Variants in CMYA5 observed in about 807,000 individuals in gnomAD.
CMYA5 encodes cardiomyopathy associated 5.
Under a neutral mutation model 318.9 loss-of-function variants are expected in CMYA5, and 246 were observed. That is an observed-to-expected ratio of 0.77 (90% CI 0.70 to 0.86). CMYA5 has a LOEUF of 0.86. CMYA5 is among the 40% of genes least tolerant of loss of function. The pLI, the probability that CMYA5 is intolerant of heterozygous loss-of-function variation, is 0.00. For missense variants in CMYA5, 4,589 were observed against 4,678.2 expected, an observed-to-expected ratio of 0.98 and a Z score of 0.56; for synonymous variants, 1,641 against 1,729.5, an observed-to-expected ratio of 0.95 and a Z score of 1.27.
chr5:79,710,704 T>A (rs1364221168), intron 1 of CMYA5, among the ~76,000 whole-genome samples: 1 of 152,164 alleles, frequency 6.6e-6, no homozygotes, highest in East Asian at 1.9e-4. Flanking sequence ...TTAGAAAAAT[T>A]TTTTATTTTT....
chr5:79,731,557 C>G lies in CMYA5; in HGVS notation c.2792C>G (p.Pro931Arg). 6.2e-7 allele frequency: 1 copy of G among 1,609,232 alleles called. No homozygotes were observed. ...CTAAATCTAAAAGGTGCATCCTCAC[C>G]CATGAATTTATCAGAAGAAGATCAA... ...RSLNLKGASS[P>R]MNLSEEDQED... The change falls in exon 2 of 13, where the codon CCC becomes CGC. Residue 931 changes from proline (P) to arginine (R), a missense_variant. Pro to Arg is a moderately radical substitution (Grantham distance 103). Around this residue, in one of 3 missense-constraint regions of CMYA5, gnomAD observed 2,132 missense variants for 2,131.3 expected, o/e 1.00. Transcript: ENST00000446378.
Position 79,731,476 on chromosome 5 carries a change from C to G in CMYA5, c.2711C>G (p.Ser904Ter). 1 of 1,607,676 alleles carries G rather than the reference C, an allele frequency of 6.2e-7. No homozygotes were observed. Among genetic ancestry groups the G allele is most frequent in the Non-Finnish European group, 8.5e-7 (1 of 1,176,462 alleles). ...TCTTCTACATCTGCTTCTGAATTTT[C>G]AGTACCACCATATGCAACACCGGAG... ...TPSSTSASEF[S>*]VPPYATPEAQ... Residue 904 changes from serine to a stop codon, truncating the protein, a stop_gained, in exon 2 of 13, where the codon TCA becomes TGA. Coordinates refer to ENST00000446378, the MANE Select transcript of CMYA5 (RefSeq NM_153610.5). LOFTEE classifies it high-confidence loss of function.
intron 1 of CMYA5, among the ~76,000 whole-genome samples, chr5:79,723,481 G>T (rs1027437561): frequency 6.6e-6 from 1 of 150,832 alleles, no homozygotes; most frequent in Non-Finnish European, 1.5e-5. Context: ...GAGATTACAG[G>T]CTGGCCATGG....
intron 2 of CMYA5, 116 bp downstream of exon 2, chr5:79,739,519 T>A: frequency 1.2e-6 from 1 of 868,352 alleles, no homozygotes; most frequent in Non-Finnish European, 1.6e-6. Context: ...TTAAGCAGAA[T>A]GGTCTGAAAG....
At position 79,742,057 on chromosome 5, in the gene CMYA5, T is replaced by C. The variant is rs1203600905; in HGVS notation, c.10639-1770T>C. On this transcript the variant is annotated intron_variant, in intron 2 of 12. Coordinates refer to ENST00000446378, the MANE Select transcript of CMYA5 (RefSeq NM_153610.5). ...CTCCTCCCTCTTTCTCCTCTTCTTC[T>C]TCTTCTTCTTCTTCTTCTTCTTCTT... is the stretch of plus-strand genomic sequence containing the variant. Among the ~76,000 whole-genome samples, 20 of 26,784 alleles carry C rather than the reference T, an allele frequency of 7.5e-4. No homozygotes were observed. The African/African-American group carries it at 0.01, about 13-fold the overall frequency. The allele number at this position is 26,784 out of a possible 152,430, so 17.6% of individuals were successfully genotyped here.
intron 9 of CMYA5, among the ~76,000 whole-genome samples, chr5:79,775,329 C>T (rs1194824982): frequency 6.6e-6 from 1 of 152,328 alleles, no homozygotes; most frequent in East Asian, 1.9e-4. Context: ...TCAGTTCCTT[C>T]ACTTCTAACT....
intron 7 of CMYA5, among the ~76,000 whole-genome samples, chr5:79,760,422 AC>A (rs1413052212): frequency 2.0e-5 from 3 of 152,294 alleles, no homozygotes; most frequent in East Asian, 1.9e-4. Flanking sequence ...ATAAAGACAT[AC>A]CTGAGACTGG....
chr5:79,712,508 C>T (rs535099804), intron 1 of CMYA5, among the ~76,000 whole-genome samples: 61 of 152,072 alleles, frequency 4.0e-4, no homozygotes, highest in Middle Eastern at 3.4e-3. Flanking sequence ...CCACCACACC[C>T]GGCCTATTTT....
intron 2 of CMYA5, among the ~76,000 whole-genome samples, chr5:79,739,998 TAAAA>T (rs1381821222): frequency 6.6e-6 from 1 of 150,710 alleles, no homozygotes; most frequent in East Asian, 1.9e-4. Context: ...TAAAATAAAA[TAAAA>T]AATAAATAAA....
chr5:79,704,721 G>T (rs1346941812), intron 1 of CMYA5, among the ~76,000 whole-genome samples: 1 of 152,086 alleles, frequency 6.6e-6, no homozygotes, highest in Admixed American at 6.5e-5. Context: ...GAGGGAGAGA[G>T]AGAGAAAATA....
At chr5:79,745,572 T>A (rs1319920858) in intron 4 of CMYA5, 117 bp downstream of exon 4, 6 of 732,864 alleles carry the variant, frequency 8.2e-6, no homozygotes, top group Non-Finnish European at 1.4e-5. Context: ...GGGATTTATA[T>A]AATTCTGGCA....
chr5:79,799,468 T>C lies in CMYA5; in HGVS notation c.12062T>C (p.Ile4021Thr), dbSNP rs748250697. Residue 4021 changes from isoleucine to threonine, a missense_variant, in exon 13 of 13, where the codon ATC becomes ACC. By Grantham distance (89) the Ile-to-Thr change is moderately conservative. Coordinates refer to ENST00000446378, the MANE Select transcript of CMYA5 (RefSeq NM_153610.5). ...CTGGACTACAACAACCAGAGACTTA[T>C]CTTCATCAACGCAGAGAGCGAGCAG... ...ILLDYNNQRL[I>T]FINAESEQLL... is the part of the protein sequence containing the mutation. 7.4e-6 allele frequency: 12 copies of C among 1,613,900 alleles called. No individual in the cohort carries two copies. The highest frequency in any genetic ancestry group is 1.1e-5 in the South Asian group (1 of 91,088).
At chr5:79,787,224 C>G (rs6884750) in intron 9 of CMYA5, among the ~76,000 whole-genome samples, 27,017 of 152,024 alleles carry the variant, frequency 0.18, 2,864 homozygotes, top group Admixed American at 0.31. Flanking sequence ...TTCCCACCCC[C>G]GCCTCCTCAA....
chr5:79,752,832 T>A lies in CMYA5; in HGVS notation c.11110+38T>A, dbSNP rs761352551. 3.5e-6 allele frequency: 5 copies of A among 1,438,166 alleles called. No homozygotes were observed. The East Asian group carries it at 9.1e-5, about 26-fold the overall frequency. 89.1% of individuals were successfully genotyped at this position (1,438,166 alleles called of 1,614,324 possible). ...ATATATTAATTACCTAGATGAAATATGGCAGTTTTTGCTTGTTTGTTTTGT... is the reference window on the plus strand; with the variant it reads ...ATATATTAATTACCTAGATGAAATAAGGCAGTTTTTGCTTGTTTGTTTTGT... On this transcript the variant is annotated intron_variant, in intron 6 of 12. Transcript: ENST00000446378.
chr5:79,706,574 C>G (rs1047002835), intron 1 of CMYA5, among the ~76,000 whole-genome samples: 8 of 152,098 alleles, frequency 5.3e-5, no homozygotes, highest in African/African-American at 1.9e-4. Flanking sequence ...CTATCTTATC[C>G]ATATGAACAG....
Position 79,729,799 on chromosome 5 carries a change from A to T in CMYA5, c.1034A>T (p.Tyr345Phe). 1 of 1,613,846 alleles carries T rather than the reference A, an allele frequency of 6.2e-7. No individual in the cohort carries two copies. Among genetic ancestry groups the T allele is most frequent in the Non-Finnish European group, 8.5e-7 (1 of 1,179,842 alleles). The change falls in exon 2 of 13, where the codon TAT (tyrosine) becomes TTT (phenylalanine). Residue 345 changes from tyrosine to phenylalanine, a missense_variant. This residue lies in a region of CMYA5 where 2,132 missense variants were observed against 2,131.3 expected (regional missense o/e 1.00). Transcript: ENST00000446378. ...TSALEHTVPSYSSSGRAEQGI... is the reference protein window; with the variant it reads ...TSALEHTVPSFSSSGRAEQGI... ...GCATTGGAGCACACAGTTCCCTCTT[A>T]TTCAAGTAGTGGCAGAGCAGAACAA...
intron 1 of CMYA5, among the ~76,000 whole-genome samples, chr5:79,726,354 GTGACA>G (rs1827748665): frequency 6.6e-6 from 1 of 152,072 alleles, no homozygotes; most frequent in Admixed American, 6.5e-5. Context: ...CTATTTCTAA[GTGACA>G]TGGAAGAGAG....
intron 1 of CMYA5, among the ~76,000 whole-genome samples, chr5:79,726,198 T>C (rs565065601): frequency 6.6e-6 from 1 of 152,352 alleles, no homozygotes; most frequent in East Asian, 1.9e-4. Context: ...TAATGAAAAC[T>C]TCTCTGGTTG....
rs200398053 is a variant in CMYA5 at position 79,730,153 on chromosome 5, T to C, written c.1388T>C (p.Ile463Thr). ...CAAGAACAGCCGGACCTGACTTCAA[T>C]AGAAAGGGCAGAACCAGTCTCCGCA... ...PDQEQPDLTS[I>T]ERAEPVSAKL... Residue 463 changes from isoleucine to threonine, a missense_variant, in exon 2 of 13, where the codon ATA (isoleucine) becomes ACA (threonine). By Grantham distance (89) the Ile-to-Thr change is moderately conservative (BLOSUM62 -1). This residue lies in a region of CMYA5 where 2,132 missense variants were observed against 2,131.3 expected (regional missense o/e 1.00). Coordinates refer to ENST00000446378, the MANE Select transcript of CMYA5 (RefSeq NM_153610.5). 2.3e-5 allele frequency: 37 copies of C among 1,613,650 alleles called. No homozygotes were observed. In the African/African-American group the frequency reaches 3.9e-4, roughly 17 times the overall value.
Sources: allele counts gnomAD v4.1 joint callset (sites outside exome capture counted in the v4.1 genomes callset), GRCh38; gene constraint gnomAD v4.1.1; regional missense constraint gnomAD v4.1.1; transcripts MANE v1.5; gene names NCBI Gene and HGNC (gene_info 2026-07-23, HGNC 2026-07-21).